The following TPGS2 variants were observed in gnomAD, a reference collection of about 807,000 sequenced individuals.
The protein encoded by TPGS2 is tubulin polyglutamylase complex subunit 2.
In TPGS2, 26 loss-of-function variants were observed where a neutral mutation model predicts 31.1. That is an observed-to-expected ratio of 0.84 (90% CI 0.61 to 1.16). TPGS2 has a LOEUF of 1.16. Ranked by LOEUF, TPGS2 falls within the 50% of genes most tolerant of loss-of-function variation. TPGS2 has a pLI of 0.00. For missense variants in TPGS2, 351 were observed against 363.8 expected (o/e 0.96, Z 0.29); for synonymous variants, 130 against 136.6 (o/e 0.95, Z 0.34).
intron 4 of TPGS2, among the ~76,000 whole-genome samples, chr18:36,802,961 AT>A (rs1220726327): frequency 4.6e-5 from 7 of 151,956 alleles, no homozygotes; most frequent in East Asian, 3.9e-4. Flanking sequence ...TTAAAGTTTT[AT>A]TTTTTTAATT....
At chr18:36,783,015 G>T in exon 7 of TPGS2, 1 of 398,388 alleles carries the variant, frequency 2.5e-6, no homozygotes, top group South Asian at 1.3e-4. Flanking sequence ...AGGAGCAGTC[G>T]GGGTGTGCCA....
At position 36,798,644 on chromosome 18, in the gene TPGS2, A is replaced by C. The variant is rs190388571; in HGVS notation, c.497-35T>G. 6.8e-5 allele frequency: 109 copies of C among 1,601,030 alleles called. 2 individuals carry two copies. In the Admixed American group the frequency reaches 8.4e-4, roughly 12 times the overall value. On this transcript the variant is annotated intron_variant, in intron 5 of 6. Transcript: ENST00000334295. ...AAGACAAAGGAAGTAAAAGATAAAG[A>C]ATAGCTTAACAGTTTTTTCTTTTTA... is the stretch of plus-strand genomic sequence containing the variant.
chr18:36,794,680 G>C lies in TPGS2; in HGVS notation c.*2125C>G. On this transcript the variant is annotated 3_prime_UTR_variant, in exon 7 of 7. Transcript: ENST00000334295. ...AATACTTCTGGAAGACTAAACTCCA[G>C]CTATTGTCCTCAACAACTTGGTCTC... is the stretch of plus-strand genomic sequence containing the variant. The C allele has an allele frequency of 1.0e-6, 1 of 985,314 alleles. No individual in the cohort carries two copies. Among genetic ancestry groups the C allele is most frequent in the South Asian group, 4.7e-5 (1 of 21,282 alleles). 61.0% of individuals were successfully genotyped at this position (985,314 alleles called of 1,614,324 possible).
chr18:36,816,131 A>G (rs2045644038), intron 2 of TPGS2, among the ~76,000 whole-genome samples: 1 of 152,226 alleles, frequency 6.6e-6, no homozygotes, highest in Admixed American at 6.5e-5. Context: ...ATGTCTGAAG[A>G]AAATGTTCCA....
chr18:36,828,629 GCTC>G lies in TPGS2; in HGVS notation c.85+51_85+53del, dbSNP rs984448058. On this transcript the variant is annotated intron_variant, in intron 1 of 6. Coordinates refer to ENST00000334295, the MANE Select transcript of TPGS2 (RefSeq NM_015476.4). ...CGCTCACCCCGCACCTCATCCCTCC[GCTC>G]CTCCTTCCTTCTCCTCCACACCCTC... 7.5e-6 allele frequency: 12 copies of G among 1,596,160 alleles called. No individual in the cohort carries two copies. In the African/African-American group the frequency reaches 1.5e-4, roughly 20 times the overall value.
At chr18:36,822,867 G>T (rs756209061) in intron 1 of TPGS2, among the ~76,000 whole-genome samples, 2 of 152,194 alleles carry the variant, frequency 1.3e-5, no homozygotes, top group Non-Finnish European at 2.9e-5. Flanking sequence ...CCAAAGCACT[G>T]TGATTACAGG....
At position 36,795,853 on chromosome 18, in the gene TPGS2, G is replaced by A. The variant is rs2044501841; in HGVS notation, c.*952C>T. 1.0e-6 allele frequency: 1 copy of A among 985,462 alleles called. No homozygotes were observed. The highest frequency in any genetic ancestry group is 5.2e-4 in the Middle Eastern group (1 of 1,914). The allele number at this position is 985,462 out of a possible 1,614,324, so 61.0% of individuals were successfully genotyped here. ...TCAGAGCTGTGAAGAGGCAGGCAGA[G>A]CAGGTGGAAAGCTTCTGTTAACAGT... is the stretch of plus-strand genomic sequence containing the variant. On this transcript the variant is annotated 3_prime_UTR_variant, in exon 7 of 7. Transcript: ENST00000334295.
At chr18:36,788,311 TGTAGCCAGGGTCTAGAACCACGTGTG>T (rs1343983718) in intron 6 of TPGS2, among the ~76,000 whole-genome samples, 1 of 152,182 alleles carries the variant, frequency 6.6e-6, no homozygotes, top group African/African-American at 2.4e-5. Context: ...CCAGAACCTG[TGTAGCCAGGGTCTAGAACCACGTGTG>T]GTAGCAGATG....
At chr18:36,793,357 A>G (rs2044380056), downstream of TPGS2, among the ~76,000 whole-genome samples, 1 of 152,242 alleles carries the variant, frequency 6.6e-6, no homozygotes, top group African/African-American at 2.4e-5. Flanking sequence ...CAAAGTGAGT[A>G]CAAAGTAAGC....
At chr18:36,817,445 T>C (rs1416554152) in intron 2 of TPGS2, 3 of 152,056 alleles carry the variant, frequency 2.0e-5, no homozygotes, top group African/African-American at 7.2e-5. Flanking sequence ...TTTTTTTTTT[T>C]TTTTAAATGA....
chr18:36,827,729 C>T (rs2046233818), intron 1 of TPGS2, among the ~76,000 whole-genome samples: 1 of 152,224 alleles, frequency 6.6e-6, no homozygotes, highest in Non-Finnish European at 1.5e-5. Context: ...CTAGCATCAT[C>T]TCCTCTGTGA....
rs1172405848 is a variant in TPGS2 at position 36,828,763 on chromosome 18, T to C, written c.5A>G (p.Glu2Gly). 1 of 1,613,352 alleles carries C rather than the reference T, an allele frequency of 6.2e-7. No individual in the cohort carries two copies. The highest frequency in any genetic ancestry group is 2.2e-5 in the East Asian group (1 of 44,804). Residue 2 changes from glutamate (E) to glycine (G), a missense_variant, in exon 1 of 7, where the codon GAG becomes GGG. Glu to Gly is a moderately conservative substitution (Grantham distance 98, BLOSUM62 -2). Coordinates refer to ENST00000334295, the MANE Select transcript of TPGS2 (RefSeq NM_015476.4). Reference protein sequence around the residue: MEEEASSPGLGC... With the variant: MGEEASSPGLGC... ...CAGCCCCGGGGACGATGCCTCCTCC[T>C]CCATGGCTCGCGACCGCGATTCGCG...
At chr18:36,823,077 T>C (rs1016508404) in intron 1 of TPGS2, among the ~76,000 whole-genome samples, 2 of 152,250 alleles carry the variant, frequency 1.3e-5, no homozygotes, top group Non-Finnish European at 2.9e-5. Context: ...TACCATGAAT[T>C]AGCAGCTTTA....
downstream of TPGS2, among the ~76,000 whole-genome samples, chr18:36,782,725 A>C (rs1010423659): frequency 1.3e-5 from 2 of 152,224 alleles, no homozygotes; most frequent in Non-Finnish European, 2.9e-5. Context: ...ATGTTTGAGC[A>C]AAGCTGCCTT....
intron 6 of TPGS2, among the ~76,000 whole-genome samples, 183 bp from the exon 7 acceptor site, chr18:36,797,233 G>C (rs1167986857): frequency 6.6e-6 from 1 of 152,114 alleles, no homozygotes; most frequent in Admixed American, 6.6e-5. Context: ...ATCAACCTCT[G>C]GTAAGATAGA....
chr18:36,827,887 G>A (rs2046246278), intron 1 of TPGS2, among the ~76,000 whole-genome samples: 1 of 151,790 alleles, frequency 6.6e-6, no homozygotes, highest in African/African-American at 2.4e-5. Flanking sequence ...TTAACCTCAC[G>A]TCTAACATAG....
Position 36,797,036 on chromosome 18 carries a change from C to T in TPGS2, c.672G>A (p.Met224Ile). The change falls in exon 7 of 7, where the codon ATG becomes ATA. Residue 224 changes from methionine (M) to isoleucine (I), a missense_variant. Transcript: ENST00000334295. ...TTGTGTTGTAGGTGATAGGTTTATA[C>T]ATGCTGAACCATTGCTGTAAGGCAG... is the stretch of plus-strand genomic sequence containing the variant. ...ISPQAKQWFSMYKPITYNTNL... is the reference protein window; with the variant it reads ...ISPQAKQWFSIYKPITYNTNL... 6.3e-7 allele frequency: 1 copy of T among 1,592,866 alleles called. No individual in the cohort carries two copies.
rs2044441322 is a variant in TPGS2, at chr18:36,794,729, A to G, written c.*2076T>C. The stretch of plus-strand genomic sequence containing the variant: ...TCTCTATATCCTTTTCTGCCACTCC[A>G]TGAATTGTTGCACATTTATAAATCC... On this transcript the variant is annotated 3_prime_UTR_variant, in exon 7 of 7. Transcript: ENST00000334295. 1 of 985,280 alleles carries G rather than the reference A, an allele frequency of 1.0e-6. No individual in the cohort carries two copies. The highest frequency in any genetic ancestry group is 4.7e-5 in the South Asian group (1 of 21,270). 61.0% of individuals were successfully genotyped at this position (985,280 alleles called of 1,614,324 possible). A position where few individuals can be genotyped will look rare whatever the true frequency, so the allele number is the denominator to read the frequency against.
chr18:36,798,932 C>A (rs1011953364), intron 5 of TPGS2, among the ~76,000 whole-genome samples: 4 of 152,192 alleles, frequency 2.6e-5, no homozygotes, highest in Non-Finnish European at 5.9e-5. Flanking sequence ...TTCCCCTCCC[C>A]CGGTAGGGGG....
Sources: gnomAD v4.1 joint callset for allele counts (sites outside exome capture counted in the v4.1 genomes callset) on GRCh38, gnomAD v4.1.1 for gene constraint, MANE v1.5 for transcripts, NCBI Gene and HGNC (gene_info 2026-07-23, HGNC 2026-07-21) for gene names.